The following FSTL5 variants were observed in gnomAD, a reference collection of about 807,000 sequenced individuals.
FSTL5 encodes the protein follistatin like 5.
Under a neutral mutation model 89.1 loss-of-function variants are expected in FSTL5, and 62 were observed. The observed-to-expected ratio is 0.70, with a 90% CI of 0.57 to 0.86. The LOEUF is 0.86. FSTL5 is among the 40% of genes least tolerant of loss of function. The pLI is 0.00. For synonymous variants in FSTL5, 383 were observed against 346.2 expected, an observed-to-expected ratio of 1.11 and a Z score of -1.18; for missense variants, 1,057 against 1,001.6, an observed-to-expected ratio of 1.06 and a Z score of -0.75.
chr4:161,888,320 A>G (rs888768668), intron 4 of FSTL5, among the ~76,000 whole-genome samples: 7 of 152,062 alleles, frequency 4.6e-5, no homozygotes, highest in African/African-American at 1.7e-4. Flanking sequence ...TGGTGAATGG[A>G]GAAGACCCAT....
At chr4:161,945,536 G>A (rs1462639390) in intron 3 of FSTL5, among the ~76,000 whole-genome samples, 4 of 152,110 alleles carry the variant, frequency 2.6e-5, no homozygotes, top group African/African-American at 7.2e-5. Flanking sequence ...GTTGGATCAC[G>A]AGGTCAGGAG....
At chr4:162,070,139 G>A (rs1729549433) in intron 2 of FSTL5, among the ~76,000 whole-genome samples, 1 of 151,432 alleles carries the variant, frequency 6.6e-6, no homozygotes, top group African/African-American at 2.4e-5. Context: ...GTTACATCGG[G>A]GATTCGTATG....
At chr4:162,010,634 G>C (rs1383487471) in intron 3 of FSTL5, among the ~76,000 whole-genome samples, 2 of 152,116 alleles carry the variant, frequency 1.3e-5, no homozygotes, top group African/African-American at 2.4e-5. Context: ...AGTAACCACT[G>C]TTTAATGTTA....
chr4:161,512,155 G>A (rs1730672123), intron 10 of FSTL5, among the ~76,000 whole-genome samples: 1 of 152,002 alleles, frequency 6.6e-6, no homozygotes, highest in African/African-American at 2.4e-5. Context: ...TGTAGTTTTA[G>A]GAATGGTTGA....
chr4:161,996,025 A>G (rs1331386529), intron 3 of FSTL5, among the ~76,000 whole-genome samples: 1 of 152,212 alleles, frequency 6.6e-6, no homozygotes, highest in South Asian at 2.1e-4. Context: ...TAATGCAGTT[A>G]CACAACTATT....
chr4:161,856,080 T>C (rs1166479343), intron 4 of FSTL5, among the ~76,000 whole-genome samples: 1 of 152,094 alleles, frequency 6.6e-6, no homozygotes, highest in Non-Finnish European at 1.5e-5. Context: ...TAATTAGCAA[T>C]ATATCAATAA....
intron 6 of FSTL5, among the ~76,000 whole-genome samples, chr4:161,701,636 T>C (rs764238817): frequency 7.2e-5 from 11 of 152,084 alleles, no homozygotes; most frequent in Admixed American, 1.3e-4. Context: ...TGTATTTATG[T>C]AGTGACCATT....
At chr4:161,492,340 C>T (rs555910140) in intron 12 of FSTL5, among the ~76,000 whole-genome samples, 1 of 152,146 alleles carries the variant, frequency 6.6e-6, no homozygotes, top group East Asian at 1.9e-4. Flanking sequence ...TTAAATGGGT[C>T]AAATTTAGAT....
intron 6 of FSTL5, among the ~76,000 whole-genome samples, chr4:161,720,246 G>C (rs929464706): frequency 3.3e-5 from 5 of 149,784 alleles, no homozygotes; most frequent in African/African-American, 1.2e-4. Context: ...TACAAATAGC[G>C]TACAGATACA....
At chr4:161,452,475 CA>C (rs35025996) in intron 15 of FSTL5, among the ~76,000 whole-genome samples, 25,542 of 130,440 alleles carry the variant, frequency 0.2, 2,373 homozygotes, top group South Asian at 0.31. Context: ...GACTCTGTCT[CA>C]AAAAAAAAAA....
rs117727717 is a variant in FSTL5 at position 162,130,019 on chromosome 4, C to T, written c.-16-18607G>A. Reference sequence around the variant, plus strand: ...TATAAAGCAATAGAATTCTAAAGAGCCTAGAGGGATAAAGTCCACATAGAT... The same window carrying T: ...TATAAAGCAATAGAATTCTAAAGAGTCTAGAGGGATAAAGTCCACATAGAT... On this transcript the variant is annotated intron_variant, in intron 1 of 15. Transcript: ENST00000306100. Among the ~76,000 whole-genome samples, 621 of 152,186 alleles carry T rather than the reference C, an allele frequency of 4.1e-3. 11 individuals carry two copies. The highest frequency in any genetic ancestry group is 0.028 in the East Asian group (147 of 5,164).
chr4:161,443,828 G>A (rs182505103), intron 15 of FSTL5, among the ~76,000 whole-genome samples: 18 of 152,020 alleles, frequency 1.2e-4, no homozygotes, highest in African/African-American at 3.9e-4. Context: ...GTGAAAGCAG[G>A]AAAGTATAGG....
intron 8 of FSTL5, among the ~76,000 whole-genome samples, chr4:161,577,981 T>A (rs147159835): frequency 1.9e-3 from 283 of 152,238 alleles, no homozygotes; most frequent in Middle Eastern, 3.4e-3. Flanking sequence ...ATAGTTTTTT[T>A]TTTCTTTTTT....
At chr4:161,389,123 C>T (rs543069060) in intron 15 of FSTL5, among the ~76,000 whole-genome samples, 3 of 152,084 alleles carry the variant, frequency 2.0e-5, no homozygotes, top group African/African-American at 4.8e-5. Flanking sequence ...TCCCCTAGTA[C>T]AGATTGATAT....
chr4:161,810,014 T>C (rs1355898787), intron 4 of FSTL5, among the ~76,000 whole-genome samples: 1 of 152,176 alleles, frequency 6.6e-6, no homozygotes, highest in Non-Finnish European at 1.5e-5. Flanking sequence ...AAAATTTCAT[T>C]GCTTACAAAT....
At chr4:161,718,320 C>T (rs1250216832) in intron 6 of FSTL5, among the ~76,000 whole-genome samples, 4 of 152,014 alleles carry the variant, frequency 2.6e-5, no homozygotes, top group Non-Finnish European at 5.9e-5. Flanking sequence ...TTATGAACAG[C>T]ATCTTGGGGC....
intron 1 of FSTL5, among the ~76,000 whole-genome samples, chr4:162,126,660 T>A (rs1579048774): frequency 6.6e-6 from 1 of 152,328 alleles, no homozygotes; most frequent in African/African-American, 2.4e-5. Flanking sequence ...TTTTACATCA[T>A]TTTGTCTTTT....
At chr4:161,397,690 T>A (rs1005655280) in intron 15 of FSTL5, among the ~76,000 whole-genome samples, 1 of 151,466 alleles carries the variant, frequency 6.6e-6, no homozygotes, top group Non-Finnish European at 1.5e-5. Flanking sequence ...GTCATATAAG[T>A]TAAAAGCATA....
intron 4 of FSTL5, among the ~76,000 whole-genome samples, chr4:161,821,766 A>C (rs1366155819): frequency 6.6e-6 from 1 of 152,084 alleles, no homozygotes; most frequent in Non-Finnish European, 1.5e-5. Context: ...TCATGGCTGC[A>C]TGGTATTCCA....
Sources: allele counts gnomAD v4.1 joint callset (sites outside exome capture counted in the v4.1 genomes callset), GRCh38; gene constraint gnomAD v4.1.1; transcripts MANE v1.5; gene names NCBI Gene and HGNC (gene_info 2026-07-23, HGNC 2026-07-21).